The following ABCC11 variants were observed in gnomAD, a reference collection of about 807,000 sequenced individuals.
ABCC11 encodes ATP-binding cassette sub-family C member 11.
A neutral mutation model predicts 149.3 loss-of-function variants in ABCC11; 135 were observed. The ratio of observed to expected loss-of-function variants is 0.90; its 90% CI spans 0.79 to 1.04. The LOEUF is 1.04. Among genes scored for constraint, ABCC11 ranks in the 50% least tolerant of loss-of-function variants. The pLI, the probability that ABCC11 is intolerant of heterozygous loss-of-function variation, is 0.00. For missense variants in ABCC11, 1,680 were observed against 1,722.1 expected (o/e 0.98, Z 0.43); for synonymous variants, 665 against 671.4 (o/e 0.99, Z 0.15).
chr16:48,177,739 C>T (rs916471954), intron 24 of ABCC11, among the ~76,000 whole-genome samples: 3 of 152,222 alleles, frequency 2.0e-5, no homozygotes, highest in South Asian at 2.1e-4. Flanking sequence ...CAAGCCACAA[C>T]TCCCCATGCT....
intron 6 of ABCC11, among the ~76,000 whole-genome samples, chr16:48,218,329 C>G (rs1045857724): frequency 6.6e-6 from 1 of 152,100 alleles, no homozygotes; most frequent in East Asian, 1.9e-4. Flanking sequence ...AAGTAGTAGG[C>G]AATCTTGGGT....
chr16:48,218,748 G>A (rs1969521121), intron 6 of ABCC11, among the ~76,000 whole-genome samples: 1 of 152,136 alleles, frequency 6.6e-6, no homozygotes, highest in Non-Finnish European at 1.5e-5. Context: ...TCCCTTGTCT[G>A]CCACCATGTA....
In ABCC11 at chr16:48,227,976, G is replaced by T; in HGVS notation, c.237-12C>A. ...GGGGGGCAGGAAACCTAGTAGAGGG[G>T]CCACAAGGATAAGAATGAATTCAGG... On this transcript the variant is annotated splice_polypyrimidine_tract_variant and intron_variant, in intron 3 of 29. Coordinates refer to ENST00000356608, the MANE Select transcript of ABCC11 (RefSeq NM_001370497.1). 1 of 1,601,948 alleles carries T rather than the reference G, an allele frequency of 6.2e-7. No individual in the cohort carries two copies. The highest frequency in any genetic ancestry group is 8.5e-7 in the Non-Finnish European group (1 of 1,173,636).
rs199753553 is a variant in ABCC11, at chr16:48,227,966, T to C, written c.237-2A>G. On this transcript the variant is annotated splice_acceptor_variant, in intron 3 of 29. Coordinates refer to ENST00000356608, the MANE Select transcript of ABCC11 (RefSeq NM_001370497.1). LOFTEE classifies it high-confidence loss of function. ...TCCAGGGGCTGGGGGGCAGGAAACC[T>C]AGTAGAGGGGCCACAAGGATAAGAA... The C allele has an allele frequency of 1.1e-5, 17 of 1,608,324 alleles. No homozygotes were observed. In the East Asian group the frequency reaches 3.1e-4, roughly 30 times the overall value.
intron 1 of ABCC11, among the ~76,000 whole-genome samples, chr16:48,242,644 C>T (rs1971031340): frequency 6.6e-6 from 1 of 152,186 alleles, no homozygotes; most frequent in African/African-American, 2.4e-5. Flanking sequence ...TTGGAACCAA[C>T]CCAAATGTCC....
At chr16:48,210,880 C>A in intron 11 of ABCC11, 68 bp downstream of exon 11, 1 of 1,567,026 alleles carries the variant, frequency 6.4e-7, no homozygotes, top group Non-Finnish European at 8.7e-7. Context: ...GGGCACCTGG[C>A]CAAGCTCCTA....
In ABCC11 at chr16:48,170,337, CCT is replaced by C; in HGVS notation, c.3778-121_3778-120del. On this transcript the variant is annotated intron_variant, in intron 27 of 29. Transcript: ENST00000356608. ...CTGCCCTCCTCTCTCTACGCTCCAG[CCT>C]CTGTTTTCTTGCTCCTTAACTGCGC... 4 of 782,638 alleles carry C rather than the reference CCT, an allele frequency of 5.1e-6. No homozygotes were observed. The South Asian group carries it at 6.5e-5, about 13-fold the overall frequency. The allele number at this position is 782,638 out of a possible 1,614,324, so 48.5% of individuals were successfully genotyped here.
intron 1 of ABCC11, among the ~76,000 whole-genome samples, chr16:48,237,177 C>T (rs1970730708): frequency 6.6e-6 from 1 of 152,176 alleles, no homozygotes; most frequent in Non-Finnish European, 1.5e-5. Flanking sequence ...CTTGGAGAGA[C>T]CCTTGATGAA....
Position 48,173,750 on chromosome 16 carries a change from G to A in ABCC11, c.3698+1508C>T, listed in dbSNP as rs1011370074. Reference sequence around the variant, plus strand: ...TGCGATTCACGTGCCTCAGCCTCCCGAGTAGCTGGGATTACAGACATGCAC... The same window carrying A: ...TGCGATTCACGTGCCTCAGCCTCCCAAGTAGCTGGGATTACAGACATGCAC... On this transcript the variant is annotated intron_variant, in intron 26 of 29. Transcript: ENST00000356608. Among the ~76,000 whole-genome samples the A allele has an allele frequency of 1.4e-4, 21 of 152,190 alleles. No individual in the cohort carries two copies. In the East Asian group the frequency reaches 2.7e-3, roughly 20 times the overall value.
rs920583867 is a variant in ABCC11, at chr16:48,165,980, T to C, written c.*1294A>G. Among the ~76,000 whole-genome samples, 5 of 152,342 alleles carry C rather than the reference T, an allele frequency of 3.3e-5. No individual in the cohort carries two copies. Among genetic ancestry groups the C allele is most frequent in the Non-Finnish European group, 7.3e-5 (5 of 68,042 alleles). On this transcript the variant is annotated 3_prime_UTR_variant, in exon 30 of 30. Coordinates refer to ENST00000356608, the MANE Select transcript of ABCC11 (RefSeq NM_001370497.1). ...AAGAAAGAGAGAAAACAAATTATTT[T>C]ATTTTCAGTTGTCATACGTTGTAAG...
At chr16:48,246,658 T>C (rs191047105) in intron 1 of ABCC11, among the ~76,000 whole-genome samples, 8 of 152,280 alleles carry the variant, frequency 5.3e-5, no homozygotes, top group Admixed American at 4.6e-4. Context: ...GCAACCTTGA[T>C]TGAACTCCTG....
Position 48,184,622 on chromosome 16 carries a change from T to C in ABCC11, c.3076A>G (p.Lys1026Glu). The C allele has an allele frequency of 6.2e-7, 1 of 1,613,802 alleles. No individual in the cohort carries two copies. Among genetic ancestry groups the C allele is most frequent in the Non-Finnish European group, 8.5e-7 (1 of 1,179,786 alleles). ...TTATTCTGCGCATCAGTCAGCCTCT[T>C]AAACCTGAGAAGGAAAGCACAGACT... The part of the protein sequence containing the change: ...GKTEDFISQF[K>E]RLTDAQNNYL... The change falls in exon 23 of 30, where the codon AAG (lysine) becomes GAG (glutamate). Residue 1026 changes from lysine (K) to glutamate (E), a missense_variant. By Grantham distance (56) the Lys-to-Glu change is moderately conservative (BLOSUM62 1). Transcript: ENST00000356608.
At chr16:48,211,615 C>A (rs374775053) in intron 10 of ABCC11, among the ~76,000 whole-genome samples, 1 of 151,734 alleles carries the variant, frequency 6.6e-6, no homozygotes, top group Non-Finnish European at 1.5e-5. Flanking sequence ...GAGGCCAAGT[C>A]GGGGGATTGC....
At chr16:48,212,616 C>G (rs1027541569) in intron 10 of ABCC11, among the ~76,000 whole-genome samples, 2 of 152,156 alleles carry the variant, frequency 1.3e-5, no homozygotes, top group Admixed American at 1.3e-4. Context: ...CCTCTTTGAT[C>G]ATTAATTTAC....
In ABCC11 at chr16:48,196,317, C is replaced by T. The variant is rs775711643; in HGVS notation, c.2319G>A (p.Pro773=). The part of the protein sequence containing the change: ...LEESLNGNAV[P]EHQLTQEEEM... ...CCTCCTCCTGTGTGAGCTGATGCTC[C>T]GGCACTGGGTCAGGGTAGAAGAAGA... Residue 773 remains proline (P), a synonymous_variant, in exon 18 of 30, where the codon CCG becomes CCA. Coordinates refer to ENST00000356608, the MANE Select transcript of ABCC11 (RefSeq NM_001370497.1). The T allele has an allele frequency of 1.8e-5, 29 of 1,613,724 alleles. No individual in the cohort carries two copies. The highest frequency in any genetic ancestry group is 1.3e-4 in the Admixed American group (8 of 59,980).
Position 48,193,957 on chromosome 16 carries a change from G to T in ABCC11, c.2430C>A (p.Phe810Leu), listed in dbSNP as rs149119656. The change falls in exon 19 of 30, where the codon TTC becomes TTA. Residue 810 changes from phenylalanine to leucine, a missense_variant. Transcript: ENST00000356608. ...AGGYMVSCII[F>L]FFVVLIVFLT... ...AGAAGACGATCAGCACCACGAAGAAGAAAATTATGCAAGAGACCATGTAAC... is the reference window on the plus strand; with the variant it reads ...AGAAGACGATCAGCACCACGAAGAATAAAATTATGCAAGAGACCATGTAAC... 5 of 1,613,588 alleles carry T rather than the reference G, an allele frequency of 3.1e-6. No individual in the cohort carries two copies. In the African/African-American group the frequency reaches 6.7e-5, roughly 22 times the overall value.
rs967908276 is a variant in ABCC11, at chr16:48,170,153, C to T, written c.3843G>A (p.Gly1281=). The change falls in exon 28 of 30, where the codon GGG becomes GGA. Residue 1281 remains glycine, a synonymous_variant. Coordinates refer to ENST00000356608, the MANE Select transcript of ABCC11 (RefSeq NM_001370497.1). ...TGGCAATGCAGAGCAGCTGCCTCTCCCCCACAGAGAAGTTTCCACCGTTTT... is the reference window on the plus strand; with the variant it reads ...TGGCAATGCAGAGCAGCTGCCTCTCTCCCACAGAGAAGTTTCCACCGTTTT... The part of the protein sequence containing the change: ...VVENGGNFSV[G]ERQLLCIARA... 1 of 1,614,136 alleles carries T rather than the reference C, an allele frequency of 6.2e-7. No homozygotes were observed. Among genetic ancestry groups the T allele is most frequent in the Admixed American group, 1.7e-5 (1 of 60,018 alleles).
intron 27 of ABCC11, 70 bp from the exon 28 acceptor site, chr16:48,170,288 C>A: frequency 8.3e-7 from 1 of 1,197,672 alleles, no homozygotes; most frequent in East Asian, 2.3e-5. Flanking sequence ...CTGACCTTGT[C>A]AATCTTCCGC....
At chr16:48,232,043 C>T in intron 1 of ABCC11, 104 bp from the exon 2 acceptor site, 2 of 1,526,568 alleles carry the variant, frequency 1.3e-6, no homozygotes, top group Non-Finnish European at 1.8e-6. Flanking sequence ...CTGCAGGGAG[C>T]ATATTGGGGC....
Sources: allele counts gnomAD v4.1 joint callset (sites outside exome capture counted in the v4.1 genomes callset), GRCh38; gene constraint gnomAD v4.1.1; transcripts MANE v1.5; gene names NCBI Gene and HGNC (gene_info 2026-07-23, HGNC 2026-07-21).